ADAMTS6: variants seen among roughly 807,000 people sequenced by gnomAD.
ADAMTS6 encodes ADAM metallopeptidase with thrombospondin type 1 motif 6, also known as A disintegrin and metalloproteinase with thrombospondin motifs 6.
ADAMTS6 carries 23 observed loss-of-function variants against 144.3 expected under a neutral mutation model. That is an observed-to-expected ratio of 0.16 (90% CI 0.11 to 0.23). The LOEUF (loss-of-function observed/expected upper bound fraction) is 0.23, where lower values mean the gene tolerates loss of function less well. Ranked by LOEUF, ADAMTS6 falls within the 10% of genes least tolerant of loss-of-function variation. The pLI, the probability that ADAMTS6 is intolerant of heterozygous loss-of-function variation, is 1.00. For synonymous variants in ADAMTS6, 444 were observed against 457.5 expected, an observed-to-expected ratio of 0.97 and a Z score of 0.38; for missense variants, 999 against 1,379.6, an observed-to-expected ratio of 0.72 and a Z score of 4.37.
At chr5:65,284,352 T>C (rs1015222669) in intron 11 of ADAMTS6, among the ~76,000 whole-genome samples, 1 of 152,016 alleles carries the variant, frequency 6.6e-6, no homozygotes, top group Non-Finnish European at 1.5e-5. Flanking sequence ...ATTATTATTA[T>C]AGTTATTAAT....
At chr5:65,155,898 G>A (rs571693751) in intron 24 of ADAMTS6, among the ~76,000 whole-genome samples, 1 of 152,224 alleles carries the variant, frequency 6.6e-6, no homozygotes, top group South Asian at 2.1e-4. Context: ...TTTTTAAAAG[G>A]AGGTTTCCAG....
At chr5:65,441,947 G>A (rs1469201333) in intron 7 of ADAMTS6, among the ~76,000 whole-genome samples, 3 of 151,732 alleles carry the variant, frequency 2.0e-5, no homozygotes, top group Admixed American at 6.6e-5. Context: ...TATGTAGGGG[G>A]AATTTTCTAA....
intron 7 of ADAMTS6, among the ~76,000 whole-genome samples, chr5:65,399,476 G>T (rs1753733957): frequency 6.6e-6 from 1 of 151,976 alleles, no homozygotes; most frequent in Non-Finnish European, 1.5e-5. Context: ...ACAGAGCATT[G>T]TGTATGATTC....
intron 7 of ADAMTS6, among the ~76,000 whole-genome samples, chr5:65,420,461 A>T (rs2150197847): frequency 6.6e-6 from 1 of 152,198 alleles, no homozygotes; most frequent in African/African-American, 2.4e-5. Context: ...AGCTCACCGC[A>T]ACCTCCGCCC....
intron 3 of ADAMTS6, among the ~76,000 whole-genome samples, chr5:65,462,891 C>T (rs988698269): frequency 6.6e-6 from 1 of 151,910 alleles, no homozygotes; most frequent in African/African-American, 2.4e-5. Context: ...ACTAGCCTGA[C>T]CAACATGGTG....
intron 18 of ADAMTS6, among the ~76,000 whole-genome samples, chr5:65,223,554 T>C (rs1757483859): frequency 6.6e-6 from 1 of 152,210 alleles, no homozygotes; most frequent in Non-Finnish European, 1.5e-5. Context: ...AATGAGATCA[T>C]GCAGTATTTG....
At chr5:65,434,571 A>C (rs2150221780) in intron 7 of ADAMTS6, among the ~76,000 whole-genome samples, 1 of 152,330 alleles carries the variant, frequency 6.6e-6, no homozygotes, top group Non-Finnish European at 1.5e-5. Context: ...TAAAGCTAGA[A>C]GACAATGACA....
At chr5:65,264,161 A>G (rs1761427612) in intron 12 of ADAMTS6, among the ~76,000 whole-genome samples, 2 of 152,166 alleles carry the variant, frequency 1.3e-5, no homozygotes, top group Admixed American at 1.3e-4. Context: ...TCCAGAGAGC[A>G]TTTAGAAAGA....
intron 7 of ADAMTS6, chr5:65,415,775 A>C (rs562985988): frequency 3.9e-6 from 1 of 256,192 alleles, no homozygotes; most frequent in African/African-American, 2.3e-5. Context: ...AAGTGCTCCA[A>C]GGAGGTGGCC....
chr5:65,331,955 GAC>G (rs1350859838), intron 8 of ADAMTS6, among the ~76,000 whole-genome samples: 8 of 151,618 alleles, frequency 5.3e-5, no homozygotes, highest in Non-Finnish European at 1.2e-4. Flanking sequence ...AAAGTGCATT[GAC>G]ACATACCTAT....
chr5:65,394,142 C>T (rs1449558266), intron 7 of ADAMTS6, among the ~76,000 whole-genome samples: 1 of 152,166 alleles, frequency 6.6e-6, no homozygotes, highest in Non-Finnish European at 1.5e-5. Context: ...TCTTGGCAGG[C>T]TTGTAGTGTC....
At chr5:65,201,326 T>C (rs189243089) in intron 20 of ADAMTS6, among the ~76,000 whole-genome samples, 1 of 132,552 alleles carries the variant, frequency 7.5e-6, no homozygotes. Flanking sequence ...TCTCATGTGT[T>C]CCTATCTTTC....
intron 10 of ADAMTS6, among the ~76,000 whole-genome samples, chr5:65,299,391 T>G (rs543989547): frequency 6.6e-6 from 1 of 152,176 alleles, no homozygotes. Flanking sequence ...GAAGAACATC[T>G]GATTTTCTTA....
Position 65,188,185 on chromosome 5 carries a change from G to A in ADAMTS6, c.2741C>T (p.Thr914Ile). 6.2e-7 allele frequency: 1 copy of A among 1,614,072 alleles called. No individual in the cohort carries two copies. The highest frequency in any genetic ancestry group is 8.5e-7 in the Non-Finnish European group (1 of 1,180,012). ...CCTTGTGCGCATCCCACCATCACAA[G>A]TCTTGCTGCATTCCAACCAATCCCC... The part of the protein sequence containing the change: ...FIGDWLECSK[T>I]CDGGMRTRAV... Residue 914 changes from threonine to isoleucine, a missense_variant, in exon 22 of 25, where the codon ACT becomes ATT. Coordinates refer to ENST00000381055, the MANE Select transcript of ADAMTS6 (RefSeq NM_197941.4).
intron 11 of ADAMTS6, among the ~76,000 whole-genome samples, chr5:65,284,517 C>T (rs147507484): frequency 2.8e-4 from 43 of 152,130 alleles, no homozygotes; most frequent in African/African-American, 1.0e-3. Flanking sequence ...AACTATGTGG[C>T]TAGATTTCTT....
At chr5:65,365,047 C>G (rs1407130953) in intron 7 of ADAMTS6, among the ~76,000 whole-genome samples, 2 of 152,136 alleles carry the variant, frequency 1.3e-5, no homozygotes, top group East Asian at 3.9e-4. Context: ...AGAGGAACTA[C>G]TTAACTTGTA....
At chr5:65,228,805 G>A (rs1456049631) in intron 15 of ADAMTS6, among the ~76,000 whole-genome samples, 1 of 152,232 alleles carries the variant, frequency 6.6e-6, no homozygotes, top group East Asian at 1.9e-4. Context: ...GAGTCCTACT[G>A]TTTTCTTGCC....
At chr5:65,410,241 T>C (rs1011718263) in intron 7 of ADAMTS6, among the ~76,000 whole-genome samples, 6 of 152,188 alleles carry the variant, frequency 3.9e-5, no homozygotes. Flanking sequence ...AAAGTCAATG[T>C]ATTATGAAAA....
chr5:65,264,994 ATT>A, intron 12 of ADAMTS6, among the ~76,000 whole-genome samples: 1 of 152,190 alleles, frequency 6.6e-6, no homozygotes, highest in South Asian at 2.1e-4. Context: ...CCAAATTCAT[ATT>A]TGTTTCCTAG....
Sources: gnomAD v4.1 joint callset for allele counts (sites outside exome capture counted in the v4.1 genomes callset) on GRCh38, gnomAD v4.1.1 for gene constraint, MANE v1.5 for transcripts, NCBI Gene and HGNC (gene_info 2026-07-23, HGNC 2026-07-21) for gene names.